FMN2: variants seen among roughly 807,000 people sequenced by gnomAD.
FMN2 encodes formin-2.
FMN2 carries 51 observed loss-of-function variants against 142.3 expected under a neutral mutation model. That is an observed-to-expected ratio of 0.36 (90% CI 0.29 to 0.45). The LOEUF is 0.45. FMN2 is among the 20% of genes least tolerant of loss of function. FMN2 has a pLI of 1.00. For synonymous variants in FMN2, 882 were observed against 869.8 expected, an observed-to-expected ratio of 1.01 and a Z score of -0.25; for missense variants, 1,936 against 2,122.8, an observed-to-expected ratio of 0.91 and a Z score of 1.73.
chr1:240,313,667 A>C (rs1334539665), intron 8 of FMN2, among the ~76,000 whole-genome samples: 1 of 152,070 alleles, frequency 6.6e-6, no homozygotes, highest in Admixed American at 6.6e-5. Context: ...AAAATAATGT[A>C]TATAAAATAG....
At chr1:240,114,656 CT>C (rs1219188121) in intron 1 of FMN2, among the ~76,000 whole-genome samples, 99 of 137,678 alleles carry the variant, frequency 7.2e-4, no homozygotes, top group African/African-American at 1.4e-3. Context: ...TATATCATTT[CT>C]TTTTTTTTTT....
At chr1:240,255,993 A>T (rs897665) in intron 6 of FMN2, among the ~76,000 whole-genome samples, 58,197 of 152,034 alleles carry the variant, frequency 0.38, 11,578 homozygotes, top group East Asian at 0.55. Context: ...AAGAAATGTT[A>T]GGAGCCCTGG....
At chr1:240,153,347 G>A (rs914624668) in intron 2 of FMN2, among the ~76,000 whole-genome samples, 9 of 147,094 alleles carry the variant, frequency 6.1e-5, no homozygotes, top group African/African-American at 2.2e-4. Flanking sequence ...ATCTCACTCG[G>A]TTCTCAAAAA....
At chr1:240,398,632 G>C (rs995211039) in intron 15 of FMN2, among the ~76,000 whole-genome samples, 3 of 152,160 alleles carry the variant, frequency 2.0e-5, no homozygotes, top group African/African-American at 7.2e-5. Context: ...CATTTTCTCA[G>C]CAGTCCTATG....
At chr1:240,327,010 A>G (rs546708070) in intron 8 of FMN2, among the ~76,000 whole-genome samples, 2 of 152,282 alleles carry the variant, frequency 1.3e-5, no homozygotes, top group Admixed American at 6.5e-5. Context: ...ACATGGTCTT[A>G]TGATATTATT....
At chr1:240,223,243 C>T (rs1189620960) in intron 6 of FMN2, among the ~76,000 whole-genome samples, 1 of 152,148 alleles carries the variant, frequency 6.6e-6, no homozygotes, top group African/African-American at 2.4e-5. Context: ...TTGAGATAAT[C>T]ATCTGGTTTT....
chr1:240,202,586 T>C (rs6692028), intron 4 of FMN2, among the ~76,000 whole-genome samples: 114,835 of 152,022 alleles, frequency 0.76, 44,371 homozygotes, highest in African/African-American at 0.89. Context: ...TCTCAGCCTC[T>C]CAAGTAGCTA....
At position 240,170,342 on chromosome 1, in the gene FMN2, A is replaced by G. The variant is rs1235388787; in HGVS notation, c.1783-7579A>G. ...TATACCCTGAGCAGAGCTGATCCTG[A>G]GGGTTGTTTTCCAGTGATCTTGGGA... is the stretch of plus-strand genomic sequence containing the variant. On this transcript the variant is annotated intron_variant, in intron 2 of 17. Coordinates refer to ENST00000319653, the MANE Select transcript of FMN2 (RefSeq NM_020066.5). 3 of 1,117,940 alleles carry G rather than the reference A, an allele frequency of 2.7e-6. No individual in the cohort carries two copies. In the African/African-American group the frequency reaches 4.6e-5, roughly 17 times the overall value. 69.3% of individuals were successfully genotyped at this position (1,117,940 alleles called of 1,614,324 possible).
intron 3 of FMN2, among the ~76,000 whole-genome samples, chr1:240,185,626 G>A (rs1665412628): frequency 6.6e-6 from 1 of 152,208 alleles, no homozygotes; most frequent in Non-Finnish European, 1.5e-5. Flanking sequence ...TACCATCAGA[G>A]CCCAGAAGTT....
chr1:240,244,240 T>G (rs1668007471), intron 6 of FMN2, among the ~76,000 whole-genome samples: 1 of 152,190 alleles, frequency 6.6e-6, no homozygotes, highest in African/African-American at 2.4e-5. Flanking sequence ...AAACTAAAAC[T>G]TTTGTTGTGG....
chr1:240,140,462 C>G (rs934097425), intron 2 of FMN2, among the ~76,000 whole-genome samples: 1 of 152,126 alleles, frequency 6.6e-6, no homozygotes, highest in South Asian at 2.1e-4. Flanking sequence ...CTGGCTATCT[C>G]TGACCCTAAC....
At chr1:240,350,087 A>C (rs72767908) in intron 13 of FMN2, among the ~76,000 whole-genome samples, 21,803 of 152,164 alleles carry the variant, frequency 0.14, 1,693 homozygotes, top group African/African-American at 0.19. Flanking sequence ...TATATTCCTT[A>C]TATGTAAGCA....
Position 240,372,678 on chromosome 1 carries a change from A to G in FMN2, c.4858+16770A>G, listed in dbSNP as rs1488293927. ...TTTTAAGGCTGTTTTGAAAGCTTGT[A>G]TACAGGCATCCCTGGGAGATATTAC... On this transcript the variant is annotated intron_variant, in intron 14 of 17. Coordinates refer to ENST00000319653, the MANE Select transcript of FMN2 (RefSeq NM_020066.5). 2.0e-5 allele frequency among the ~76,000 whole-genome samples: 3 copies of G among 146,752 alleles called. No individual in the cohort carries two copies. The Admixed American group carries it at 2.1e-4, about 10-fold the overall frequency.
chr1:240,451,119 G>A (rs1398220156), intron 16 of FMN2, among the ~76,000 whole-genome samples: 4 of 152,126 alleles, frequency 2.6e-5, no homozygotes, highest in Non-Finnish European at 5.9e-5. Flanking sequence ...TGTAATCCTA[G>A]TGCTTTGGGA....
chr1:240,417,469 T>C (rs570178671), intron 15 of FMN2, among the ~76,000 whole-genome samples: 2 of 152,132 alleles, frequency 1.3e-5, no homozygotes, highest in African/African-American at 4.8e-5. Flanking sequence ...CCTGGTACTG[T>C]GAATTCAGAT....
chr1:240,104,971 C>T (rs1175109195), intron 1 of FMN2, among the ~76,000 whole-genome samples: 1 of 151,996 alleles, frequency 6.6e-6, no homozygotes, highest in East Asian at 1.9e-4. Context: ...TATTTCCATA[C>T]AGGGAGCTAT....
intron 2 of FMN2, among the ~76,000 whole-genome samples, chr1:240,155,611 A>G (rs75162754): frequency 6.6e-6 from 1 of 152,188 alleles, no homozygotes; most frequent in Non-Finnish European, 1.5e-5. Context: ...TTGAGAGCCC[A>G]AAGTGATTGA....
At chr1:240,188,867 C>A (rs1665588898) in intron 4 of FMN2, among the ~76,000 whole-genome samples, 1 of 152,122 alleles carries the variant, frequency 6.6e-6, no homozygotes, top group Non-Finnish European at 1.5e-5. Flanking sequence ...CAAGGAGAAG[C>A]AAATCACATC....
chr1:240,162,399 A>G (rs1396226700), intron 2 of FMN2, among the ~76,000 whole-genome samples: 1 of 150,500 alleles, frequency 6.6e-6, no homozygotes, highest in Non-Finnish European at 1.5e-5. Context: ...GGGAGGCAGA[A>G]GTTGCTGTGA....
Sources: gnomAD v4.1 joint callset for allele counts (sites outside exome capture counted in the v4.1 genomes callset) on GRCh38, gnomAD v4.1.1 for gene constraint, MANE v1.5 for transcripts, NCBI Gene and HGNC (gene_info 2026-07-23, HGNC 2026-07-21) for gene names.